Variants in ITM2B observed in about 807,000 individuals in gnomAD.
ITM2B encodes the protein ABri/ADan amyloid peptide.
ITM2B carries 11 observed loss-of-function variants against 27.8 expected under a neutral mutation model. The ratio of observed to expected loss-of-function variants is 0.40; its 90% confidence interval spans 0.25 to 0.66. The LOEUF is 0.66. Among genes scored for constraint, ITM2B ranks in the 30% least tolerant of loss-of-function variants. ITM2B has a pLI of 0.43. For missense variants in ITM2B, 296 were observed against 328.9 expected (o/e 0.90, Z 0.77); for synonymous variants, 114 against 114.3 (o/e 1.00, Z 0.02).
Position 48,261,418 on chromosome 13 carries a change from A to G in ITM2B, c.*194A>G, listed in dbSNP as rs2137998103. 3.9e-6 allele frequency: 2 copies of G among 517,872 alleles called. No individual in the cohort carries two copies. Among genetic ancestry groups the G allele is most frequent in the Middle Eastern group, 5.1e-4 (1 of 1,942 alleles). 32.1% of individuals were successfully genotyped at this position (517,872 alleles called of 1,614,324 possible). Reference sequence around the variant, plus strand: ...TTTCTTTCGAAGTGTGGTGTCTTTTATATTTGAATTAGTAACTGTATGAAG... The same window carrying G: ...TTTCTTTCGAAGTGTGGTGTCTTTTGTATTTGAATTAGTAACTGTATGAAG... On this transcript the variant is annotated 3_prime_UTR_variant, in exon 6 of 6. Transcript: ENST00000647800.
At chr13:48,250,058 C>T (rs1346673828) in intron 1 of ITM2B, among the ~76,000 whole-genome samples, 1 of 152,176 alleles carries the variant, frequency 6.6e-6, no homozygotes, top group African/African-American at 2.4e-5. Context: ...ATCTATCATA[C>T]GTGATGTTAA....
intron 1 of ITM2B, among the ~76,000 whole-genome samples, chr13:48,234,670 C>T (rs936760871): frequency 1.3e-5 from 2 of 152,114 alleles, no homozygotes; most frequent in South Asian, 4.1e-4. Flanking sequence ...TATAATCTAT[C>T]TTCAGAATAT....
chr13:48,258,748 C>T lies in ITM2B; in HGVS notation c.565-49C>T, dbSNP rs762670288. On this transcript the variant is annotated intron_variant, in intron 4 of 5. Transcript: ENST00000647800. ...TTTTGTCTTGTTTCTCTAGTCTACT[C>T]AGTGTATGTTCTGAGATAGTCATGT... 26 of 1,561,500 alleles carry T rather than the reference C, an allele frequency of 1.7e-5. No homozygotes were observed. The Admixed American group carries it at 2.0e-4, about 12-fold the overall frequency.
At chr13:48,253,772 GAGATA>G in intron 1 of ITM2B, 31 bp from the exon 2 acceptor site, 2 of 1,604,324 alleles carry the variant, frequency 1.2e-6, no homozygotes, top group Non-Finnish European at 1.7e-6. Flanking sequence ...ATTCTGTCTG[GAGATA>G]AGATATTTAA....
intron 2 of ITM2B, 27 bp downstream of exon 2, chr13:48,253,963 CT>C: frequency 6.3e-7 from 1 of 1,584,856 alleles, no homozygotes; most frequent in South Asian, 1.1e-5. Flanking sequence ...TTTTGTGTCT[CT>C]GATTTTTTTT....
At chr13:48,241,881 A>T (rs570184848) in intron 1 of ITM2B, among the ~76,000 whole-genome samples, 1 of 152,326 alleles carries the variant, frequency 6.6e-6, no homozygotes, top group Non-Finnish European at 1.5e-5. Context: ...AAACTAACAC[A>T]GTCTTAGTTT....
At chr13:48,241,693 A>G (rs879588549) in intron 1 of ITM2B, among the ~76,000 whole-genome samples, 3 of 152,230 alleles carry the variant, frequency 2.0e-5, no homozygotes, top group Non-Finnish European at 4.4e-5. Flanking sequence ...ACATTGTTTT[A>G]CATTCGGCAG....
Position 48,269,046 on chromosome 13 carries a change from T to G in ITM2B, c.*7822T>G, listed in dbSNP as rs1259003566. On this transcript the variant is annotated 3_prime_UTR_variant, in exon 6 of 6. Transcript: ENST00000647800. Reference sequence around the variant, plus strand: ...CGTTGCTGTCTTTTCCAAATTCCCATTTTGCTTGTCCAATAGGCATTATCA... The same window carrying G: ...CGTTGCTGTCTTTTCCAAATTCCCAGTTTGCTTGTCCAATAGGCATTATCA... The G allele has an allele frequency of 6.6e-6, 1 of 152,182 alleles. No homozygotes were observed. Among genetic ancestry groups the G allele is most frequent in the African/African-American group, 2.4e-5 (1 of 41,432 alleles). The allele number at this position is 152,182 out of a possible 1,614,324, so 9.4% of individuals were successfully genotyped here. A position where few individuals can be genotyped will look rare whatever the true frequency, so the allele number is the denominator to read the frequency against.
chr13:48,259,312 C>T (rs1012125747), intron 5 of ITM2B, among the ~76,000 whole-genome samples: 1 of 152,132 alleles, frequency 6.6e-6, no homozygotes, highest in Non-Finnish European at 1.5e-5. Flanking sequence ...TTTCAGGGAT[C>T]TGGATTCTAA....
chr13:48,269,038 A>G lies in ITM2B; in HGVS notation c.*7814A>G, dbSNP rs1185412145. 1 of 152,130 alleles carries G rather than the reference A, an allele frequency of 6.6e-6. No individual in the cohort carries two copies. Among genetic ancestry groups the G allele is most frequent in the Non-Finnish European group, 1.5e-5 (1 of 68,012 alleles). 9.4% of individuals were successfully genotyped at this position (152,130 alleles called of 1,614,324 possible). On this transcript the variant is annotated 3_prime_UTR_variant, in exon 6 of 6. Coordinates refer to ENST00000647800, the MANE Select transcript of ITM2B (RefSeq NM_021999.5). ...AAGGCATACGTTGCTGTCTTTTCCAAATTCCCATTTTGCTTGTCCAATAGG... is the reference window on the plus strand; with the variant it reads ...AAGGCATACGTTGCTGTCTTTTCCAGATTCCCATTTTGCTTGTCCAATAGG...
intron 5 of ITM2B, 135 bp downstream of exon 5, chr13:48,259,082 A>G: frequency 1.6e-6 from 1 of 638,792 alleles, no homozygotes; most frequent in South Asian, 2.1e-5. Context: ...TAATATTTCC[A>G]GGTTTCTATA....
At chr13:48,237,781 G>C (rs981486778) in intron 1 of ITM2B, among the ~76,000 whole-genome samples, 1 of 151,984 alleles carries the variant, frequency 6.6e-6, no homozygotes, top group African/African-American at 2.4e-5. Context: ...TAAATGTCTG[G>C]CGTGTCTATT....
At chr13:48,248,016 G>T (rs140464932) in intron 1 of ITM2B, among the ~76,000 whole-genome samples, 1 of 151,980 alleles carries the variant, frequency 6.6e-6, no homozygotes, top group Non-Finnish European at 1.5e-5. Flanking sequence ...GAAACGTCTC[G>T]GTGACTTGTT....
At position 48,267,924 on chromosome 13, in the gene ITM2B, T is replaced by A. The variant is rs536456469; in HGVS notation, c.*6700T>A. On this transcript the variant is annotated 3_prime_UTR_variant, in exon 6 of 6. Coordinates refer to ENST00000647800, the MANE Select transcript of ITM2B (RefSeq NM_021999.5). ...TTTGTTGTGAGTTTTATAGATAGTT[T>A]ACATGCAACGAAATGCATATATCTT... 34 of 152,340 alleles carry A rather than the reference T, an allele frequency of 2.2e-4. 2 individuals are homozygous for A. The highest frequency in any genetic ancestry group is 7.9e-4 in the African/African-American group (33 of 41,580). The allele number at this position is 152,340 out of a possible 1,614,324, so 9.4% of individuals were successfully genotyped here.
chr13:48,235,010 T>TTA (rs1951658962), intron 1 of ITM2B, among the ~76,000 whole-genome samples: 1 of 111,332 alleles, frequency 9.0e-6, no homozygotes, highest in African/African-American at 7.3e-5. Context: ...CTTAATGCTA[T>TTA]CACATATATA....
In ITM2B at chr13:48,264,313, A is replaced by G. The variant is rs1409468598; in HGVS notation, c.*3089A>G. 3.3e-5 allele frequency: 5 copies of G among 152,108 alleles called. No homozygotes were observed. Among genetic ancestry groups the G allele is most frequent in the Admixed American group, 1.3e-4 (2 of 15,264 alleles). 9.4% of individuals were successfully genotyped at this position (152,108 alleles called of 1,614,324 possible). On this transcript the variant is annotated 3_prime_UTR_variant, in exon 6 of 6. Coordinates refer to ENST00000647800, the MANE Select transcript of ITM2B (RefSeq NM_021999.5). ...CTGCTTTCCCTGTATCCCTTTTTAG[A>G]TTCCACACCCATATTAGTGAGAAGC...
chr13:48,238,166 A>C (rs752386989), intron 1 of ITM2B, among the ~76,000 whole-genome samples: 1 of 152,248 alleles, frequency 6.6e-6, no homozygotes, highest in Non-Finnish European at 1.5e-5. Context: ...ATTGGAAATT[A>C]TAACACTAAG....
rs114740577 is a variant in ITM2B, at chr13:48,260,986, A to G, written c.716-153A>G. 2.3e-3 allele frequency among the ~76,000 whole-genome samples: 357 copies of G among 152,304 alleles called. 4 individuals carry two copies. The highest frequency in any genetic ancestry group is 7.7e-3 in the African/African-American group (322 of 41,570). ...TTGGTTCAGAAAAGGGAGAAAAATT[A>G]CTTTTCTTCAGTGTAAACATTCAAA... is the stretch of plus-strand genomic sequence containing the variant. On this transcript the variant is annotated intron_variant, in intron 5 of 5. Coordinates refer to ENST00000647800, the MANE Select transcript of ITM2B (RefSeq NM_021999.5).
intron 1 of ITM2B, among the ~76,000 whole-genome samples, 196 bp from the exon 2 acceptor site, chr13:48,253,612 C>G (rs1217162473): frequency 6.6e-6 from 1 of 152,100 alleles, no homozygotes; most frequent in Non-Finnish European, 1.5e-5. Context: ...GACCAATGTC[C>G]CAGTCCAAGA....
Sources: gnomAD v4.1 joint callset for allele counts (sites outside exome capture counted in the v4.1 genomes callset) on GRCh38, gnomAD v4.1.1 for gene constraint, MANE v1.5 for transcripts, NCBI Gene and HGNC (gene_info 2026-07-23, HGNC 2026-07-21) for gene names.